The following MRPL48 variants were observed in gnomAD, a reference collection of about 807,000 sequenced individuals.
MRPL48 encodes large ribosomal subunit protein mL48.
In MRPL48, 16 loss-of-function variants were observed where a neutral mutation model predicts 32.9. The ratio of observed to expected loss-of-function variants is 0.49; its 90% CI spans 0.33 to 0.74. The LOEUF is 0.74. Among genes scored for constraint, MRPL48 ranks in the 30% least tolerant of loss-of-function variants. The pLI, the probability that MRPL48 is intolerant of heterozygous loss-of-function variation, is 0.02. For synonymous variants in MRPL48, 94 were observed against 89.2 expected (o/e 1.05, Z -0.31); for missense variants, 206 against 245.3 (o/e 0.84, Z 1.07).
At chr11:73,804,284 CT>C (rs909375251) in intron 1 of MRPL48, among the ~76,000 whole-genome samples, 4 of 146,638 alleles carry the variant, frequency 2.7e-5, no homozygotes, top group Middle Eastern at 3.5e-3. Flanking sequence ...AGTCAGTCCT[CT>C]TTTTTTTTTG....
chr11:73,861,610 CCGCCCA>C (rs1021498698), intron 6 of MRPL48, among the ~76,000 whole-genome samples: 2 of 152,064 alleles, frequency 1.3e-5, no homozygotes, highest in Non-Finnish European at 2.9e-5. Context: ...CTCAGGTGAT[CCGCCCA>C]CCTCAGCCTC....
chr11:73,808,395 C>A (rs756765039), intron 3 of MRPL48, 45 bp downstream of exon 3: 47 of 1,541,878 alleles, frequency 3.0e-5, no homozygotes, highest in Non-Finnish European at 3.8e-5. Context: ...TTAAGTGACC[C>A]TTTAGCACTC....
intron 5 of MRPL48, among the ~76,000 whole-genome samples, chr11:73,857,643 G>A (rs1948508553): frequency 7.1e-6 from 1 of 140,404 alleles, no homozygotes; most frequent in Non-Finnish European, 1.5e-5. Flanking sequence ...CGCCCAGGCT[G>A]GAGTACAGTG....
chr11:73,815,965 A>G (rs1370460071), intron 3 of MRPL48, among the ~76,000 whole-genome samples: 2 of 151,714 alleles, frequency 1.3e-5, no homozygotes, highest in East Asian at 1.9e-4. Context: ...AGCTTAAGCA[A>G]TCCTCCTGCC....
intron 1 of MRPL48, among the ~76,000 whole-genome samples, chr11:73,794,804 GC>G (rs1947222820): frequency 6.7e-6 from 1 of 149,730 alleles, no homozygotes; most frequent in South Asian, 2.1e-4. Flanking sequence ...GAGTGCAGTG[GC>G]ATGATCTCGG....
At chr11:73,796,184 G>A (rs1490216623) in intron 1 of MRPL48, among the ~76,000 whole-genome samples, 2 of 152,142 alleles carry the variant, frequency 1.3e-5, no homozygotes, top group South Asian at 2.1e-4. Flanking sequence ...GCTCCACGGA[G>A]CAAGCAGGAG....
chr11:73,828,998 T>C (rs1464343665), intron 4 of MRPL48, among the ~76,000 whole-genome samples: 1 of 152,196 alleles, frequency 6.6e-6, no homozygotes, highest in African/African-American at 2.4e-5. Context: ...TAAAAAAATG[T>C]CTTAGAATCT....
chr11:73,846,087 A>AAAC lies in MRPL48; in HGVS notation c.371+1113_371+1114insCAA, dbSNP rs1178026053. Among the ~76,000 whole-genome samples the AAAC allele has an allele frequency of 5.3e-5, 8 of 149,540 alleles. No individual in the cohort carries two copies. The Admixed American group carries it at 5.4e-4, about 10-fold the overall frequency. On this transcript the variant is annotated intron_variant, in intron 5 of 7. Transcript: ENST00000310614. Reference sequence around the variant, plus strand: ...TGTCTCAAAAAAAAAAAAAAAAAAAAAAAGATTAAAAAAAGCAAACACTGA... The same window carrying AAAC: ...TGTCTCAAAAAAAAAAAAAAAAAAAAAACAAAGATTAAAAAAAGCAAACACTGA...
chr11:73,823,131 C>T (rs760573288), intron 3 of MRPL48: 3 of 316,388 alleles, frequency 9.5e-6, no homozygotes, highest in Non-Finnish European at 1.9e-5. Context: ...ATAACATGCA[C>T]AATAAATGTA....
At chr11:73,852,798 C>T (rs889067456) in intron 5 of MRPL48, among the ~76,000 whole-genome samples, 10 of 152,150 alleles carry the variant, frequency 6.6e-5, no homozygotes, top group Non-Finnish European at 8.8e-5. Flanking sequence ...TCTGCACTCC[C>T]GTATTTATTG....
chr11:73,811,520 A>G (rs1322617071), intron 3 of MRPL48, among the ~76,000 whole-genome samples: 1 of 152,178 alleles, frequency 6.6e-6, no homozygotes, highest in African/African-American at 2.4e-5. Flanking sequence ...AGAGTAAAAG[A>G]GTAATATGTC....
At chr11:73,848,427 T>C (rs1670547) in intron 5 of MRPL48, among the ~76,000 whole-genome samples, 1 of 152,136 alleles carries the variant, frequency 6.6e-6, no homozygotes, top group African/African-American at 2.4e-5. Context: ...CTAGGTCCTT[T>C]GGTTTTCCAT....
intron 3 of MRPL48, among the ~76,000 whole-genome samples, chr11:73,816,403 T>C (rs1051439493): frequency 4.0e-5 from 6 of 150,000 alleles, no homozygotes; most frequent in Non-Finnish European, 8.9e-5. Context: ...GATCTGTATA[T>C]GTATTTGATG....
At chr11:73,842,359 TCCC>T (rs1029397301) in intron 4 of MRPL48, 1 of 152,178 alleles carries the variant, frequency 6.6e-6, no homozygotes, top group Non-Finnish European at 1.5e-5. Flanking sequence ...CTCTTCCAGC[TCCC>T]CCATTTTATA....
intron 5 of MRPL48, among the ~76,000 whole-genome samples, chr11:73,851,851 T>G (rs1230611531): frequency 1.3e-5 from 2 of 152,080 alleles, no homozygotes; most frequent in African/African-American, 2.4e-5. Flanking sequence ...CTCTTCTTGC[T>G]ATGTGGTGAG....
intron 1 of MRPL48, among the ~76,000 whole-genome samples, chr11:73,797,624 C>A (rs1054176674): frequency 6.6e-6 from 1 of 152,222 alleles, no homozygotes; most frequent in East Asian, 1.9e-4. Context: ...CAGCTGCCCG[C>A]CCTGCTGCAG....
At chr11:73,845,761 C>T (rs1406719861) in intron 5 of MRPL48, among the ~76,000 whole-genome samples, 24 of 151,276 alleles carry the variant, frequency 1.6e-4, no homozygotes, top group Admixed American at 1.6e-3. Flanking sequence ...CGGAGTGAGA[C>T]GCTGTCTCAA....
Position 73,859,999 on chromosome 11 carries a change from G to A in MRPL48, c.464G>A (p.Arg155Gln), listed in dbSNP as rs769215326. ...LLDSVLTTHE[R>Q]VVQISGLSAT... ...GACTCAGTGCTTACCACCCATGAGCGAGTGGTTCAGGTAGGCACTCCAGGA... is the reference window on the plus strand; with the variant it reads ...GACTCAGTGCTTACCACCCATGAGCAAGTGGTTCAGGTAGGCACTCCAGGA... The change falls in exon 6 of 8, where the codon CGA becomes CAA. Residue 155 changes from arginine (R) to glutamine (Q), a missense_variant. Coordinates refer to ENST00000310614, the MANE Select transcript of MRPL48 (RefSeq NM_016055.6). 6 of 1,613,354 alleles carry A rather than the reference G, an allele frequency of 3.7e-6. No individual in the cohort carries two copies. Among genetic ancestry groups the A allele is most frequent in the East Asian group, 2.2e-5 (1 of 44,878 alleles).
chr11:73,825,654 CA>C, intron 3 of MRPL48, 53 bp from the exon 4 acceptor site: 1 of 1,467,528 alleles, frequency 6.8e-7, no homozygotes. Context: ...TCTTAAAAAA[CA>C]ACGATAATAG....
Sources: allele counts gnomAD v4.1 joint callset (sites outside exome capture counted in the v4.1 genomes callset), GRCh38; gene constraint gnomAD v4.1.1; transcripts MANE v1.5; gene names NCBI Gene and HGNC (gene_info 2026-07-23, HGNC 2026-07-21).